Variants in SAMD5 observed in about 807,000 individuals in gnomAD.
SAMD5 encodes the protein sterile alpha motif domain-containing protein 5.
SAMD5 carries 13 observed loss-of-function variants against 11.3 expected under a neutral mutation model. The observed-to-expected ratio is 1.15, with a 90% CI of 0.75 to 1.83. The LOEUF (loss-of-function observed/expected upper bound fraction) is 1.83. SAMD5 is among the 40% of genes most tolerant of loss of function. The probability of loss-of-function intolerance (pLI) is 0.00; values close to 1 mark genes in which losing one functional copy is unlikely to be tolerated. For missense variants in SAMD5, 255 were observed against 239.1 expected (o/e 1.07, Z -0.44); for synonymous variants, 129 against 111.3 (o/e 1.16, Z -1.00).
At chr6:147,831,382 C>T in the SAMD5 span, among the ~76,000 whole-genome samples, 6 of 152,172 alleles carry the variant, frequency 3.9e-5, no homozygotes, top group Non-Finnish European at 7.4e-5. Flanking sequence ...TTTTCCACCC[C>T]AAATCTGCTC....
the SAMD5 span, among the ~76,000 whole-genome samples, chr6:147,857,489 G>A: frequency 6.6e-6 from 1 of 151,784 alleles, no homozygotes; most frequent in Non-Finnish European, 1.5e-5. Flanking sequence ...ACTCCAGCCT[G>A]AGTGACAGAG....
At chr6:147,736,957 G>C (rs2128460442) in intron 1 of SAMD5, among the ~76,000 whole-genome samples, 1 of 151,994 alleles carries the variant, frequency 6.6e-6, no homozygotes, top group African/African-American at 2.4e-5. Flanking sequence ...CCTTATTTGG[G>C]TTTTGACTTC....
the SAMD5 span, among the ~76,000 whole-genome samples, chr6:147,766,251 A>C: frequency 6.6e-6 from 1 of 152,240 alleles, no homozygotes; most frequent in African/African-American, 2.4e-5. Flanking sequence ...ATTCCTGGGA[A>C]GTGAGAGGAA....
chr6:147,950,859 G>A, the SAMD5 span, among the ~76,000 whole-genome samples: 4 of 152,158 alleles, frequency 2.6e-5, no homozygotes, highest in South Asian at 4.2e-4. Flanking sequence ...TTGAAATAGA[G>A]AGGGGAGGTC....
At chr6:147,873,108 G>T in the SAMD5 span, among the ~76,000 whole-genome samples, 2 of 152,176 alleles carry the variant, frequency 1.3e-5, no homozygotes, top group Non-Finnish European at 2.9e-5. Context: ...GCCGGGTGCT[G>T]TGGCTCACGC....
chr6:147,833,807 G>A, the SAMD5 span, among the ~76,000 whole-genome samples: 22 of 152,290 alleles, frequency 1.4e-4, no homozygotes, highest in African/African-American at 4.6e-4. Context: ...TTTCTGCTGA[G>A]CACTGTGAAA....
chr6:147,599,877 T>G (rs1789589706), intron 1 of SAMD5, among the ~76,000 whole-genome samples: 1 of 152,184 alleles, frequency 6.6e-6, no homozygotes, highest in Non-Finnish European at 1.5e-5. Flanking sequence ...AAACAAATGC[T>G]GAACTTAGTG....
rs921926900 is a variant in SAMD5 at position 147,611,031 on chromosome 6, G to A, written c.162+101644G>A. On this transcript the variant is annotated intron_variant, in intron 1 of 1. Coordinates refer to the SAMD5 transcript ENST00000566741. Reference sequence around the variant, plus strand: ...ACTACAGGTATATGCCACGACGCCCGGCTAATTTTTGTATTTTTAGTAGAG... The same window carrying A: ...ACTACAGGTATATGCCACGACGCCCAGCTAATTTTTGTATTTTTAGTAGAG... 2.6e-5 allele frequency among the ~76,000 whole-genome samples: 4 copies of A among 151,900 alleles called. No homozygotes were observed. In the East Asian group the frequency reaches 5.9e-4, roughly 22 times the overall value.
the SAMD5 span, among the ~76,000 whole-genome samples, chr6:147,837,368 A>G: frequency 6.6e-6 from 1 of 152,332 alleles, no homozygotes; most frequent in South Asian, 2.1e-4. Flanking sequence ...AAATGGTTCA[A>G]ATAACTAAAA....
At chr6:147,696,610 C>A (rs537862627) in intron 1 of SAMD5, among the ~76,000 whole-genome samples, 1 of 152,312 alleles carries the variant, frequency 6.6e-6, no homozygotes, top group South Asian at 2.1e-4. Flanking sequence ...GATTAGGAAC[C>A]TTCAAAGCCC....
intron 1 of SAMD5, among the ~76,000 whole-genome samples, chr6:147,582,052 CTTTCAG>C (rs1789306042): frequency 6.6e-6 from 1 of 151,966 alleles, no homozygotes; most frequent in Non-Finnish European, 1.5e-5. Context: ...AGAGGGATGA[CTTTCAG>C]TTTAAGATGG....
At chr6:147,920,975 CA>C in the SAMD5 span, among the ~76,000 whole-genome samples, 4 of 152,160 alleles carry the variant, frequency 2.6e-5, no homozygotes, top group Non-Finnish European at 4.4e-5. Context: ...GAGGAAAACA[CA>C]AAACATTCTT....
intron 1 of SAMD5, among the ~76,000 whole-genome samples, chr6:147,659,440 T>C (rs957576892): frequency 1.3e-5 from 2 of 152,156 alleles, no homozygotes; most frequent in African/African-American, 2.4e-5. Flanking sequence ...AGGATTTGTA[T>C]TGGTATTTGT....
At chr6:147,589,055 G>A (rs844564) in intron 1 of SAMD5, among the ~76,000 whole-genome samples, 1 of 151,634 alleles carries the variant, frequency 6.6e-6, no homozygotes, top group Non-Finnish European at 1.5e-5. Context: ...CCTCCTGGGC[G>A]CAAGTGATCC....
At chr6:147,700,736 T>C (rs1791242824) in intron 1 of SAMD5, among the ~76,000 whole-genome samples, 1 of 152,236 alleles carries the variant, frequency 6.6e-6, no homozygotes. Flanking sequence ...GCCGTATTAT[T>C]TTACAGAGTA....
At chr6:147,889,352 T>C in the SAMD5 span, among the ~76,000 whole-genome samples, 1 of 152,220 alleles carries the variant, frequency 6.6e-6, no homozygotes, top group Non-Finnish European at 1.5e-5. Flanking sequence ...CTCCCATGCC[T>C]CTATTTAATG....
intron 1 of SAMD5, among the ~76,000 whole-genome samples, chr6:147,516,064 C>G (rs147894410): frequency 1.3e-5 from 2 of 152,266 alleles, no homozygotes; most frequent in African/African-American, 4.8e-5. Flanking sequence ...TTCTCAGGCT[C>G]ATGCAAGTCC....
At chr6:147,913,933 G>GCACA in the SAMD5 span, among the ~76,000 whole-genome samples, 2 of 152,182 alleles carry the variant, frequency 1.3e-5, no homozygotes, top group African/African-American at 4.8e-5. Flanking sequence ...TGAGCAGTGA[G>GCACA]CACACACAGC....
At chr6:147,685,955 A>G (rs1791005087) in intron 1 of SAMD5, among the ~76,000 whole-genome samples, 1 of 152,180 alleles carries the variant, frequency 6.6e-6, no homozygotes, top group African/African-American at 2.4e-5. Flanking sequence ...GATACCAGCA[A>G]AGTTTTTGTT....
Sources: gnomAD v4.1 joint callset for allele counts (sites outside exome capture counted in the v4.1 genomes callset) on GRCh38, gnomAD v4.1.1 for gene constraint, MANE v1.5 for transcripts, NCBI Gene and HGNC (gene_info 2026-07-23, HGNC 2026-07-21) for gene names.